The following CLSTN2 variants were observed in gnomAD, a reference collection of about 807,000 sequenced individuals.
CLSTN2 encodes the protein calsyntenin 2.
In CLSTN2, 48 loss-of-function variants were observed where a neutral mutation model predicts 101.2. The ratio of observed to expected loss-of-function variants is 0.47; its 90% confidence interval spans 0.38 to 0.60. The LOEUF (loss-of-function observed/expected upper bound fraction) is 0.60, where lower values mean the gene tolerates loss of function less well. Ranked by LOEUF, CLSTN2 falls within the 20% of genes least tolerant of loss-of-function variation. CLSTN2 has a pLI of 0.00. For missense variants in CLSTN2, 1,160 were observed against 1,238.2 expected, an observed-to-expected ratio of 0.94 and a Z score of 0.95; for synonymous variants, 481 against 463.6, an observed-to-expected ratio of 1.04 and a Z score of -0.48.
At chr3:140,438,053 T>C (rs757326637) in intron 5 of CLSTN2, among the ~76,000 whole-genome samples, 6 of 152,174 alleles carry the variant, frequency 3.9e-5, no homozygotes, top group African/African-American at 9.7e-5. Flanking sequence ...GATAGGGCCA[T>C]GTGATTATCA....
chr3:140,205,618 G>GCCGCCC (rs1553721845), intron 2 of CLSTN2, among the ~76,000 whole-genome samples: 1 of 67,226 alleles, frequency 1.5e-5, no homozygotes, highest in Non-Finnish European at 3.7e-5. Context: ...GACCTGACCC[G>GCCGCCC]CCCCCCACCC....
At chr3:140,468,135 T>C (rs1933752445) in intron 8 of CLSTN2, among the ~76,000 whole-genome samples, 1 of 152,226 alleles carries the variant, frequency 6.6e-6, no homozygotes, top group African/African-American at 2.4e-5. Flanking sequence ...ATTCTGAATC[T>C]GGCAGGAATT....
chr3:140,137,435 G>GT (rs1553801812), intron 1 of CLSTN2, among the ~76,000 whole-genome samples: 1 of 151,996 alleles, frequency 6.6e-6, no homozygotes, highest in Non-Finnish European at 1.5e-5. Context: ...ACTAGACTAG[G>GT]TTCCTGTCCT....
chr3:140,112,697 T>A (rs1264892851), intron 1 of CLSTN2, among the ~76,000 whole-genome samples: 1 of 152,092 alleles, frequency 6.6e-6, no homozygotes, highest in African/African-American at 2.4e-5. Flanking sequence ...AGAGGCAGGA[T>A]GAACCCGTGC....
chr3:139,953,742 C>G (rs145727176), intron 1 of CLSTN2, among the ~76,000 whole-genome samples: 2 of 152,316 alleles, frequency 1.3e-5, no homozygotes, highest in East Asian at 3.9e-4. Context: ...TTTGCCCACA[C>G]TGGTAACTTG....
At chr3:139,993,862 G>GCCGT (rs372331972) in intron 1 of CLSTN2, among the ~76,000 whole-genome samples, 38,414 of 151,962 alleles carry the variant, frequency 0.25, 5,058 homozygotes, top group Admixed American at 0.37. Context: ...TATATGACAA[G>GCCGT]TGAATCACAA....
chr3:140,065,374 AC>A (rs1371977765), intron 1 of CLSTN2, among the ~76,000 whole-genome samples: 1 of 152,138 alleles, frequency 6.6e-6, no homozygotes, highest in Admixed American at 6.5e-5. Flanking sequence ...CTTACTCACC[AC>A]TGAGTTTGAC....
intron 1 of CLSTN2, among the ~76,000 whole-genome samples, chr3:140,012,608 T>C (rs2007102894): frequency 6.6e-6 from 1 of 152,158 alleles, no homozygotes; most frequent in Admixed American, 6.5e-5. Flanking sequence ...CCCAGTGGAC[T>C]TCTCTTTCTA....
At chr3:140,482,271 T>A (rs1934134136) in intron 8 of CLSTN2, among the ~76,000 whole-genome samples, 1 of 152,204 alleles carries the variant, frequency 6.6e-6, no homozygotes, top group Admixed American at 6.5e-5. Context: ...CGTATGTTGA[T>A]CCAGCCTTGC....
At chr3:140,480,409 T>C (rs1037638765) in intron 8 of CLSTN2, among the ~76,000 whole-genome samples, 1 of 152,196 alleles carries the variant, frequency 6.6e-6, no homozygotes, top group Admixed American at 6.5e-5. Context: ...TAAACATACA[T>C]GTGCATGTGT....
intron 2 of CLSTN2, among the ~76,000 whole-genome samples, chr3:140,387,232 A>G (rs536703702): frequency 1.6e-4 from 24 of 152,278 alleles, no homozygotes; most frequent in African/African-American, 4.8e-4. Context: ...CTCCACTGAG[A>G]CCTTGGCTTG....
intron 1 of CLSTN2, among the ~76,000 whole-genome samples, chr3:140,030,931 A>AC (rs2007534085): frequency 6.6e-6 from 1 of 152,086 alleles, no homozygotes; most frequent in South Asian, 2.1e-4. Context: ...GGAAAGATGC[A>AC]CCCCAGATGA....
chr3:140,443,341 C>T (rs1933002196), intron 5 of CLSTN2, among the ~76,000 whole-genome samples: 2 of 152,224 alleles, frequency 1.3e-5, no homozygotes, highest in Admixed American at 6.5e-5. Context: ...TACAACAGCG[C>T]CAAAGCCTAT....
chr3:140,001,061 A>G (rs1383695536), intron 1 of CLSTN2, among the ~76,000 whole-genome samples: 1 of 152,188 alleles, frequency 6.6e-6, no homozygotes, highest in Non-Finnish European at 1.5e-5. Flanking sequence ...GTGTTGACTT[A>G]TTTGTTCCCA....
chr3:140,077,124 GAAAC>G (rs926575868), intron 1 of CLSTN2, among the ~76,000 whole-genome samples: 7 of 152,162 alleles, frequency 4.6e-5, no homozygotes, highest in African/African-American at 1.2e-4. Context: ...GAAGTTATTA[GAAAC>G]AAACAAGCAA....
chr3:140,025,390 T>C (rs1174951011), intron 1 of CLSTN2, among the ~76,000 whole-genome samples: 1 of 152,174 alleles, frequency 6.6e-6, no homozygotes, highest in Non-Finnish European at 1.5e-5. Context: ...TGGGCTCAGA[T>C]CCTGACTCTG....
chr3:140,350,721 A>T (rs933681173), intron 2 of CLSTN2, among the ~76,000 whole-genome samples: 4 of 152,136 alleles, frequency 2.6e-5, no homozygotes, highest in African/African-American at 9.7e-5. Context: ...GCACTTACTT[A>T]TTTTGCTACA....
At position 140,109,935 on chromosome 3, in the gene CLSTN2, C is replaced by A. The variant is rs573714373; in HGVS notation, c.110-66016C>A. On this transcript the variant is annotated intron_variant, in intron 1 of 16. Coordinates refer to ENST00000458420, the MANE Select transcript of CLSTN2 (RefSeq NM_022131.3). ...TCAGTGAAAAGAAATGTGTTAAAAG[C>A]ACCCCAGGTTTCCTTGATCACAGTC... Among the ~76,000 whole-genome samples, 767 of 152,262 alleles carry A rather than the reference C, an allele frequency of 5.0e-3. 3 individuals are homozygous for A. The highest frequency in any genetic ancestry group is 8.7e-3 in the Non-Finnish European group (590 of 68,014).
At chr3:140,509,652 G>C (rs1387268808) in intron 8 of CLSTN2, among the ~76,000 whole-genome samples, 1 of 62,272 alleles carries the variant, frequency 1.6e-5, no homozygotes, top group South Asian at 3.2e-4. Context: ...ATAGTGAATG[G>C]GGGGGCCTCA....
Sources: gnomAD v4.1 joint callset for allele counts (sites outside exome capture counted in the v4.1 genomes callset) on GRCh38, gnomAD v4.1.1 for gene constraint, MANE v1.5 for transcripts, NCBI Gene and HGNC (gene_info 2026-07-23, HGNC 2026-07-21) for gene names.